Variants in PRKACB observed in about 807,000 individuals in gnomAD.
The protein encoded by PRKACB is protein kinase cAMP-activated catalytic subunit beta.
In PRKACB, 16 loss-of-function variants were observed where a neutral mutation model predicts 51.4. The ratio of observed to expected loss-of-function variants is 0.31; its 90% CI spans 0.21 to 0.47. The LOEUF (loss-of-function observed/expected upper bound fraction) is 0.47, where lower values mean the gene tolerates loss of function less well. PRKACB is among the 20% of genes least tolerant of loss of function. PRKACB has a pLI of 1.00. For missense variants in PRKACB, 309 were observed against 464.5 expected, an observed-to-expected ratio of 0.67 and a Z score of 3.08; for synonymous variants, 147 against 154.4, an observed-to-expected ratio of 0.95 and a Z score of 0.35.
At chr1:84,130,361 G>A (rs1652063425) in intron 1 of PRKACB, among the ~76,000 whole-genome samples, 1 of 152,084 alleles carries the variant, frequency 6.6e-6, no homozygotes, top group Non-Finnish European at 1.5e-5. Context: ...TGTGTCAGTG[G>A]CAGTAGCAAC....
intron 1 of PRKACB, among the ~76,000 whole-genome samples, chr1:84,148,516 AT>A (rs1012813945): frequency 3.9e-5 from 6 of 152,074 alleles, no homozygotes; most frequent in African/African-American, 1.4e-4. Flanking sequence ...TACTAGCATA[AT>A]TTTCAATAAA....
chr1:84,143,442 C>T (rs1653639121), upstream of PRKACB, among the ~76,000 whole-genome samples: 1 of 151,800 alleles, frequency 6.6e-6, no homozygotes, highest in Non-Finnish European at 1.5e-5. Flanking sequence ...CAGAGTGAAA[C>T]AACGTTTAAA....
intron 1 of PRKACB, among the ~76,000 whole-genome samples, chr1:84,172,267 T>G (rs922997899): frequency 1.6e-4 from 24 of 151,736 alleles, no homozygotes; most frequent in African/African-American, 5.8e-4. Context: ...ATTCAGGCCT[T>G]TCTGGAAAAT....
intron 9 of PRKACB, among the ~76,000 whole-genome samples, chr1:84,226,281 T>A (rs573395996): frequency 0.015 from 2,339 of 151,338 alleles, 78 homozygotes; most frequent in African/African-American, 0.052. Context: ...TTTGTTTTTT[T>A]TTTTGGTCTC....
intron 1 of PRKACB, among the ~76,000 whole-genome samples, chr1:84,154,836 A>C (rs182456936): frequency 2.0e-5 from 3 of 152,160 alleles, no homozygotes; most frequent in African/African-American, 7.2e-5. Flanking sequence ...AAACTTTAAC[A>C]TTCTTTTATG....
At chr1:84,156,496 T>G (rs1048621571) in intron 1 of PRKACB, among the ~76,000 whole-genome samples, 1 of 152,148 alleles carries the variant, frequency 6.6e-6, no homozygotes, top group Admixed American at 6.6e-5. Context: ...TTCATTTCCT[T>G]AATTTATACT....
Position 84,145,667 on chromosome 1 carries a change from A to G in PRKACB, c.187+1119A>G, listed in dbSNP as rs192987894. Among the ~76,000 whole-genome samples, 374 of 152,176 alleles carry G rather than the reference A, an allele frequency of 2.5e-3. 1 individual carries two copies. Among genetic ancestry groups the G allele is most frequent in the Non-Finnish European group, 3.5e-3 (236 of 67,902 alleles). Reference sequence around the variant, plus strand: ...TTTTCCACTTAAAAGGTTTTGGGTTATTTATAGTCTTTACTGTATAGCAAG... The same window carrying G: ...TTTTCCACTTAAAAGGTTTTGGGTTGTTTATAGTCTTTACTGTATAGCAAG... On this transcript the variant is annotated intron_variant, in intron 1 of 9. Transcript: ENST00000370685.
intron 8 of PRKACB, among the ~76,000 whole-genome samples, chr1:84,206,712 A>C (rs1332364581): frequency 6.6e-6 from 1 of 152,190 alleles, no homozygotes; most frequent in Non-Finnish European, 1.5e-5. Context: ...GAACAAAAGT[A>C]GTTGTTCAGA....
At chr1:84,173,241 A>G in intron 1 of PRKACB, 4 of 934,806 alleles carry the variant, frequency 4.3e-6, no homozygotes, top group Non-Finnish European at 6.7e-6. Flanking sequence ...TATGTGCAGT[A>G]CAGTAGTGAA....
In PRKACB at chr1:84,078,648, C is replaced by G. The variant is rs181019034; in HGVS notation, c.46+277C>G. Among the ~76,000 whole-genome samples, 57 of 152,294 alleles carry G rather than the reference C, an allele frequency of 3.7e-4. No individual in the cohort carries two copies. The East Asian group carries it at 0.01, about 28-fold the overall frequency. On this transcript the variant is annotated intron_variant, in intron 1 of 8. Coordinates refer to the PRKACB transcript ENST00000370688. ...CACTCTAGCGAGGAGGACTTGCACA[C>G]GTTCTGGAACACTTCCCCAAATATG... is the stretch of plus-strand genomic sequence containing the variant.
At chr1:84,119,285 C>CT (rs1650869394) in intron 1 of PRKACB, among the ~76,000 whole-genome samples, 2 of 151,922 alleles carry the variant, frequency 1.3e-5, no homozygotes, top group South Asian at 4.1e-4. Context: ...GTGGGGAGAA[C>CT]TTTATTTTTA....
chr1:84,227,805 T>C (rs1187116389), intron 9 of PRKACB, among the ~76,000 whole-genome samples: 2 of 152,238 alleles, frequency 1.3e-5, no homozygotes, highest in African/African-American at 4.8e-5. Flanking sequence ...TAACCATTTG[T>C]TTTAATATCT....
At chr1:84,220,513 T>C (rs1439505556) in intron 9 of PRKACB, among the ~76,000 whole-genome samples, 1 of 152,210 alleles carries the variant, frequency 6.6e-6, no homozygotes. Flanking sequence ...CATCCTTGTC[T>C]TGGTCCAATT....
chr1:84,177,070 G>GT (rs145117001), intron 1 of PRKACB, among the ~76,000 whole-genome samples: 32 of 151,696 alleles, frequency 2.1e-4, no homozygotes, highest in African/African-American at 5.1e-4. Flanking sequence ...TGTTAAAGTT[G>GT]TTTTTTTTAC....
At chr1:84,202,235 A>G (rs779932770) in intron 7 of PRKACB, among the ~76,000 whole-genome samples, 3 of 152,078 alleles carry the variant, frequency 2.0e-5, no homozygotes, top group Non-Finnish European at 4.4e-5. Flanking sequence ...TTCATTATTT[A>G]CTATGTAGTC....
chr1:84,230,876 C>G (rs186294408), intron 9 of PRKACB, among the ~76,000 whole-genome samples: 24,996 of 137,170 alleles, frequency 0.18, 3,152 homozygotes, highest in South Asian at 0.35. Flanking sequence ...TGTCTGCAAA[C>G]AGGGACAATT....
chr1:84,181,208 C>T (rs1663340667), intron 2 of PRKACB, among the ~76,000 whole-genome samples: 1 of 148,160 alleles, frequency 6.7e-6, no homozygotes, highest in African/African-American at 2.6e-5. Context: ...CTACAGTGAA[C>T]TGTAATACCT....
chr1:84,083,464 C>T (rs1274139083), intron 1 of PRKACB, among the ~76,000 whole-genome samples: 2 of 152,070 alleles, frequency 1.3e-5, no homozygotes, highest in African/African-American at 4.8e-5. Flanking sequence ...TTTTCATTGC[C>T]AGCAGCAGGA....
intron 1 of PRKACB, chr1:84,173,216 T>G: frequency 3.0e-6 from 2 of 665,836 alleles, no homozygotes; most frequent in Non-Finnish European, 2.4e-6. Context: ...TTCAATTGTT[T>G]TATCATTCTA....
Sources: gnomAD v4.1 joint callset for allele counts (sites outside exome capture counted in the v4.1 genomes callset) on GRCh38, gnomAD v4.1.1 for gene constraint, MANE v1.5 for transcripts, NCBI Gene and HGNC (gene_info 2026-07-23, HGNC 2026-07-21) for gene names.